SPDL1: variants seen among roughly 807,000 people sequenced by gnomAD.
SPDL1 encodes protein Spindly.
A neutral mutation model predicts 79.5 loss-of-function variants in SPDL1; 85 were observed. The ratio of observed to expected loss-of-function variants is 1.07; its 90% CI spans 0.90 to 1.28. SPDL1 has a LOEUF of 1.28. Among genes scored for constraint, SPDL1 ranks in the 50% most tolerant of loss-of-function variants. SPDL1 has a pLI of 0.00. For synonymous variants in SPDL1, 269 were observed against 240.3 expected (o/e 1.12, Z -1.10); for missense variants, 703 against 697.8 (o/e 1.01, Z -0.08).
chr5:169,594,033 C>T, intron 4 of SPDL1, 112 bp from the exon 5 acceptor site: 5 of 832,914 alleles, frequency 6.0e-6, no homozygotes, highest in Non-Finnish European at 9.2e-6. Context: ...CAACTTTTGA[C>T]TGGTTCTTTA....
At chr5:169,591,624 T>A (rs1755293438) in intron 3 of SPDL1, among the ~76,000 whole-genome samples, 1 of 152,218 alleles carries the variant, frequency 6.6e-6, no homozygotes, top group Admixed American at 6.5e-5. Flanking sequence ...GCATTACAAA[T>A]GACACTTTAT....
chr5:169,604,338 T>G lies in SPDL1; in HGVS notation c.*131T>G. ...TGTGCCAGGACCTGGCATTTTCATG[T>G]GCCTTTGACCAAGTGTTCAGAATTT... On this transcript the variant is annotated 3_prime_UTR_variant, in exon 12 of 12. Transcript: ENST00000265295. 1.1e-6 allele frequency: 1 copy of G among 916,488 alleles called. No individual in the cohort carries two copies. 56.8% of individuals were successfully genotyped at this position (916,488 alleles called of 1,614,324 possible).
intron 11 of SPDL1, chr5:169,601,892 T>G (rs1322948593): frequency 2.0e-6 from 1 of 510,532 alleles, no homozygotes; most frequent in Non-Finnish European, 3.6e-6. Flanking sequence ...GTTTAACACA[T>G]CTCTGAATGT....
Position 169,591,238 on chromosome 5 carries a change from C to T in SPDL1, c.336+14C>T, listed in dbSNP as rs1396793138. On this transcript the variant is annotated intron_variant, in intron 3 of 11. Transcript: ENST00000265295. ...CTAAAAACTAAGGTTGGGATATCTG[C>T]GTATTTCAGCACAAAATATTCCATA... 3.1e-6 allele frequency: 5 copies of T among 1,605,338 alleles called. No individual in the cohort carries two copies. The highest frequency in any genetic ancestry group is 1.1e-5 in the South Asian group (1 of 89,836).
At chr5:169,596,471 T>C (rs1398101191) in intron 7 of SPDL1, 90 bp from the exon 8 acceptor site, 1 of 1,127,368 alleles carries the variant, frequency 8.9e-7, no homozygotes, top group South Asian at 1.4e-5. Flanking sequence ...CAAAGTAATA[T>C]AGTACAAATT....
Position 169,594,186 on chromosome 5 carries a change from A to C in SPDL1, c.573A>C (p.Gln191His), listed in dbSNP as rs1389131993. ...KEEVNELQYR[Q>H]EQLELLITNL... ...AAGTGAATGAACTACAATACAGACA[A>C]GAACAGCTAGAACTTCTTATTACTA... The change falls in exon 5 of 12, where the codon CAA becomes CAC. Residue 191 changes from glutamine (Q) to histidine (H), a missense_variant. By Grantham distance (24) the Gln-to-His change is conservative. Transcript: ENST00000265295. 6.2e-7 allele frequency: 1 copy of C among 1,613,554 alleles called. No homozygotes were observed. The highest frequency in any genetic ancestry group is 8.5e-7 in the Non-Finnish European group (1 of 1,179,706).
intron 9 of SPDL1, 75 bp downstream of exon 9, chr5:169,598,654 T>G: frequency 7.8e-7 from 1 of 1,275,932 alleles, no homozygotes; most frequent in Non-Finnish European, 1.1e-6. Flanking sequence ...GACTACAAAG[T>G]TTTTTTGAAA....
rs1215020059 is a variant in SPDL1 at position 169,594,654 on chromosome 5, T to C, written c.864T>C (p.Phe288=). 1.2e-6 allele frequency: 2 copies of C among 1,613,306 alleles called. No homozygotes were observed. Among genetic ancestry groups the C allele is most frequent in the East Asian group, 2.2e-5 (1 of 44,864 alleles). ...AGTCACTAAAGAAGCAAAATGTATT[T>C]AACAGAGAACAGATGCAGAGAATGA... ...KYQSLKKQNV[F]NREQMQRMKL... The change falls in exon 7 of 12, where the codon TTT becomes TTC. Residue 288 remains phenylalanine (F), a synonymous_variant. Coordinates refer to ENST00000265295, the MANE Select transcript of SPDL1 (RefSeq NM_017785.5).
At position 169,588,545 on chromosome 5, in the gene SPDL1, A is replaced by G. The variant is rs746433344; in HGVS notation, c.129A>G (p.Lys43=). The G allele has an allele frequency of 1.2e-6, 2 of 1,613,368 alleles. No individual in the cohort carries two copies. Among genetic ancestry groups the G allele is most frequent in the South Asian group, 1.1e-5 (1 of 90,894 alleles). ...ATGAATTACAGAATCAATTGGATAA[A>G]TGTCGTAATGAAATGATGACCATGA... The part of the protein sequence containing the change: ...SQNELQNQLD[K]CRNEMMTMTE... The change falls in exon 2 of 12, where the codon AAA becomes AAG. Residue 43 remains lysine, a synonymous_variant. Transcript: ENST00000265295.
chr5:169,594,702 A>G, intron 7 of SPDL1, 21 bp downstream of exon 7: 1 of 1,559,478 alleles, frequency 6.4e-7, no homozygotes, highest in Non-Finnish European at 8.8e-7. Flanking sequence ...TTCACTATCA[A>G]AGGTTTATTA....
intron 1 of SPDL1, among the ~76,000 whole-genome samples, chr5:169,585,055 A>G (rs1754918593): frequency 1.3e-5 from 2 of 152,120 alleles, no homozygotes; most frequent in African/African-American, 4.8e-5. Context: ...CACCAAGCAC[A>G]ATGTCTGTCA....
intron 7 of SPDL1, chr5:169,595,477 ATCTATTAAGTGAAGATGATAGAACCCCC>A (rs1405611174): frequency 6.6e-6 from 1 of 152,226 alleles, no homozygotes; most frequent in African/African-American, 2.4e-5. Flanking sequence ...ACAGTACCTC[ATCTATTAAGTGAAGATGATAGAACCCCC>A]TCTTAGAATT....
chr5:169,595,064 T>C (rs890600054), intron 7 of SPDL1, among the ~76,000 whole-genome samples: 2 of 152,200 alleles, frequency 1.3e-5, no homozygotes, highest in Admixed American at 1.3e-4. Context: ...ATTCCTCTGC[T>C]CTTTCACCAA....
chr5:169,598,896 C>A, intron 9 of SPDL1, 76 bp from the exon 10 acceptor site: 1 of 1,461,618 alleles, frequency 6.8e-7, no homozygotes, highest in Non-Finnish European at 9.0e-7. Context: ...TTCAAATATG[C>A]GATGAAATAT....
chr5:169,598,635 A>G, intron 9 of SPDL1, 56 bp downstream of exon 9: 3 of 1,379,898 alleles, frequency 2.2e-6, no homozygotes, highest in Non-Finnish European at 3.1e-6. Flanking sequence ...TTACTATGGT[A>G]GTGTCAGTGA....
At position 169,601,363 on chromosome 5, in the gene SPDL1, A is replaced by C. The variant is rs1755873042; in HGVS notation, c.1408A>C (p.Asn470His). ...CACCGCTAAAGATGCATGTGTCAACAACAGTGCTCTCGGGGGAGAAGTTTA... is the reference window on the plus strand; with the variant it reads ...CACCGCTAAAGATGCATGTGTCAACCACAGTGCTCTCGGGGGAGAAGTTTA... ...ITTAKDACVN[N>H]SALGGEVYRL... Residue 470 changes from asparagine to histidine, a missense_variant, in exon 11 of 12, where the codon AAC becomes CAC. By Grantham distance (68) the Asn-to-His change is moderately conservative (BLOSUM62 1). Transcript: ENST00000265295. 3 of 1,613,808 alleles carry C rather than the reference A, an allele frequency of 1.9e-6. No individual in the cohort carries two copies. The highest frequency in any genetic ancestry group is 3.3e-5 in the Admixed American group (2 of 59,982).
chr5:169,590,845 G>A (rs1011426998), intron 2 of SPDL1: 4 of 618,066 alleles, frequency 6.5e-6, no homozygotes, highest in African/African-American at 1.8e-5. Flanking sequence ...CCTTGCATGG[G>A]TTTAACATAG....
chr5:169,599,004 C>T lies in SPDL1; in HGVS notation c.1169C>T (p.Ser390Phe). 1 of 1,570,568 alleles carries T rather than the reference C, an allele frequency of 6.4e-7. No homozygotes were observed. Among genetic ancestry groups the T allele is most frequent in the South Asian group, 1.2e-5 (1 of 85,216 alleles). The change falls in exon 10 of 12, where the codon TCC becomes TTC. Residue 390 changes from serine (S) to phenylalanine (F), a missense_variant. Ser to Phe is a radical substitution (Grantham distance 155). Coordinates refer to ENST00000265295, the MANE Select transcript of SPDL1 (RefSeq NM_017785.5). ...KEIESTKGELSIQRMKALFES... is the reference protein window; with the variant it reads ...KEIESTKGELFIQRMKALFES... Reference sequence around the variant, plus strand: ...ATTGAAAGCACTAAAGGTGAATTGTCCATACAGCGAATGAAAGCATTATTT... The same window carrying T: ...ATTGAAAGCACTAAAGGTGAATTGTTCATACAGCGAATGAAAGCATTATTT...
At position 169,591,143 on chromosome 5, in the gene SPDL1, A is replaced by G. The variant is rs776893490; in HGVS notation, c.255A>G (p.Gln85=). The G allele has an allele frequency of 1.1e-5, 17 of 1,613,994 alleles. No individual in the cohort carries two copies. The highest frequency in any genetic ancestry group is 5.3e-5 in the African/African-American group (4 of 74,938). Residue 85 remains glutamine (Q), a synonymous_variant, in exon 3 of 12, where the codon CAA becomes CAG. Coordinates refer to ENST00000265295, the MANE Select transcript of SPDL1 (RefSeq NM_017785.5). ...SLSCECEAIK[Q]QQKMHLEKLE... ...GCTGCGAATGTGAAGCTATTAAACA[A>G]CAACAAAAAATGCACCTGGAGAAAT...
Sources: gnomAD v4.1 joint callset for allele counts (sites outside exome capture counted in the v4.1 genomes callset) on GRCh38, gnomAD v4.1.1 for gene constraint, MANE v1.5 for transcripts, NCBI Gene and HGNC (gene_info 2026-07-23, HGNC 2026-07-21) for gene names.